Variants in UTRN observed in about 807,000 individuals in gnomAD.
The protein encoded by UTRN is utrophin.
In UTRN, 283 loss-of-function variants were observed where a neutral mutation model predicts 463.9. The observed-to-expected ratio is 0.61, with a 90% CI of 0.55 to 0.67. The LOEUF (loss-of-function observed/expected upper bound fraction) is 0.67, where lower values mean the gene tolerates loss of function less well. UTRN is among the 30% of genes least tolerant of loss of function. The probability of loss-of-function intolerance (pLI) is 0.00; values close to 1 mark genes in which losing one functional copy is unlikely to be tolerated. For missense variants in UTRN, 3,922 were observed against 4,084.3 expected, an observed-to-expected ratio of 0.96 and a Z score of 1.08; for synonymous variants, 1,442 against 1,431.5, an observed-to-expected ratio of 1.01 and a Z score of -0.17.
intron 48 of UTRN, among the ~76,000 whole-genome samples, chr6:144,552,528 A>G (rs1799017110): frequency 6.6e-6 from 1 of 151,940 alleles, no homozygotes; most frequent in Non-Finnish European, 1.5e-5. Flanking sequence ...AACTTCTTTC[A>G]GGTGTTTGTT....
At chr6:144,293,400 T>A (rs913726588) in intron 2 of UTRN, among the ~76,000 whole-genome samples, 4 of 152,168 alleles carry the variant, frequency 2.6e-5, no homozygotes, top group Non-Finnish European at 5.9e-5. Flanking sequence ...AATGAACATA[T>A]AAACTCCCAA....
intron 53 of UTRN, among the ~76,000 whole-genome samples, chr6:144,728,100 CAAAA>C (rs5880604): frequency 6.7e-5 from 7 of 104,028 alleles, no homozygotes; most frequent in Admixed American, 2.7e-4. Context: ...GACTCCATCT[CAAAA>C]AAAAAAAAAA....
chr6:144,458,609 T>A (rs1789105292), intron 19 of UTRN, among the ~76,000 whole-genome samples, 161 bp from the exon 20 acceptor site: 1 of 152,232 alleles, frequency 6.6e-6, no homozygotes, highest in African/African-American at 2.4e-5. Flanking sequence ...TATTTTTAAG[T>A]GCATCATTAT....
chr6:144,599,838 C>T (rs1165027237), intron 51 of UTRN, among the ~76,000 whole-genome samples: 1 of 152,156 alleles, frequency 6.6e-6, no homozygotes, highest in Non-Finnish European at 1.5e-5. Flanking sequence ...ACTGTGCTTT[C>T]CAGCTGTAGC....
At chr6:144,814,084 A>C (rs899905107) in intron 65 of UTRN, among the ~76,000 whole-genome samples, 2 of 152,204 alleles carry the variant, frequency 1.3e-5, no homozygotes, top group Admixed American at 1.3e-4. Flanking sequence ...TATGAATGGA[A>C]TGTTTATGTC....
At chr6:144,628,751 T>C (rs148722815) in intron 51 of UTRN, among the ~76,000 whole-genome samples, 2,790 of 152,252 alleles carry the variant, frequency 0.018, 47 homozygotes, top group Non-Finnish European at 0.025. Context: ...GTATGGTGAA[T>C]CTCAGATTCC....
intron 54 of UTRN, among the ~76,000 whole-genome samples, chr6:144,742,249 A>G (rs1790179249): frequency 6.6e-6 from 1 of 152,188 alleles, no homozygotes; most frequent in Non-Finnish European, 1.5e-5. Flanking sequence ...TTAAATGGAC[A>G]TAATTAGAAG....
chr6:144,707,639 C>T (rs1305569032), intron 53 of UTRN, among the ~76,000 whole-genome samples: 1 of 152,190 alleles, frequency 6.6e-6, no homozygotes, highest in Non-Finnish European at 1.5e-5. Context: ...ATGGGCTCAA[C>T]CTATAGTGTA....
intron 2 of UTRN, among the ~76,000 whole-genome samples, chr6:144,372,857 G>A (rs1246613242): frequency 6.6e-6 from 1 of 152,038 alleles, no homozygotes; most frequent in Admixed American, 6.6e-5. Context: ...AATGAGCAAA[G>A]GAATAGATAT....
intron 51 of UTRN, among the ~76,000 whole-genome samples, chr6:144,675,897 A>G (rs1255318628): frequency 6.6e-6 from 1 of 152,208 alleles, no homozygotes; most frequent in Non-Finnish European, 1.5e-5. Context: ...CCTGTCTCCT[A>G]TCTGCCATTT....
chr6:144,553,296 C>T (rs556058457), intron 48 of UTRN, among the ~76,000 whole-genome samples: 14 of 152,276 alleles, frequency 9.2e-5, no homozygotes, highest in African/African-American at 3.1e-4. Flanking sequence ...CCTCGGCCTC[C>T]CAAAGTGCTG....
chr6:144,850,921 T>TTGAC (rs1404168389), intron 74 of UTRN, 68 bp from the exon 75 acceptor site: 2 of 1,598,044 alleles, frequency 1.3e-6, no homozygotes, highest in South Asian at 1.1e-5. Flanking sequence ...TCTTGAAGAA[T>TTGAC]TGACAGATCT....
intron 52 of UTRN, among the ~76,000 whole-genome samples, chr6:144,692,595 T>A (rs1783542913): frequency 6.6e-6 from 1 of 152,224 alleles, no homozygotes; most frequent in African/African-American, 2.4e-5. Context: ...CTGACTGGTG[T>A]GAGATGGTAT....
intron 11 of UTRN, 40 bp from the exon 12 acceptor site, chr6:144,438,705 A>T (rs1420218753): frequency 1.2e-6 from 2 of 1,606,818 alleles, no homozygotes; most frequent in South Asian, 2.2e-5. Context: ...TTGCAAAGGG[A>T]AAAGGCTTGT....
chr6:144,342,169 A>G (rs929752649), intron 2 of UTRN, among the ~76,000 whole-genome samples: 1 of 152,212 alleles, frequency 6.6e-6, no homozygotes, highest in African/African-American at 2.4e-5. Context: ...TGGCAATAAT[A>G]AAAAAGACAA....
chr6:144,355,471 C>T (rs1778468581), intron 2 of UTRN, among the ~76,000 whole-genome samples: 1 of 152,096 alleles, frequency 6.6e-6, no homozygotes, highest in Non-Finnish European at 1.5e-5. Context: ...AGTGCTGGGA[C>T]TATAGGCGTT....
chr6:144,355,552 A>G (rs934063015), intron 2 of UTRN, among the ~76,000 whole-genome samples: 10 of 152,176 alleles, frequency 6.6e-5, no homozygotes, highest in African/African-American at 2.2e-4. Flanking sequence ...AAAATTTAAT[A>G]TGGATATACA....
At chr6:144,635,028 A>G (rs1025454026) in intron 51 of UTRN, among the ~76,000 whole-genome samples, 2 of 151,926 alleles carry the variant, frequency 1.3e-5, no homozygotes, top group Non-Finnish European at 2.9e-5. Context: ...TAGAACTGCT[A>G]GGCCTGTTAA....
intron 51 of UTRN, among the ~76,000 whole-genome samples, chr6:144,607,551 A>G (rs1250430330): frequency 6.6e-6 from 1 of 152,186 alleles, no homozygotes; most frequent in Non-Finnish European, 1.5e-5. Context: ...ATTTGCAAAA[A>G]GGACCATAGG....
Sources: allele counts gnomAD v4.1 joint callset (sites outside exome capture counted in the v4.1 genomes callset), GRCh38; gene constraint gnomAD v4.1.1; transcripts MANE v1.5; gene names NCBI Gene and HGNC (gene_info 2026-07-23, HGNC 2026-07-21).